The following ADGRE1 variants were observed in gnomAD, a reference collection of about 807,000 sequenced individuals.
ADGRE1 encodes the protein adhesion G protein-coupled receptor E1.
A neutral mutation model predicts 102.7 loss-of-function variants in ADGRE1; 82 were observed. The observed-to-expected ratio is 0.80, with a 90% CI of 0.67 to 0.96. The LOEUF is 0.96. ADGRE1 is among the 40% of genes least tolerant of loss of function. The pLI is 0.00. For synonymous variants in ADGRE1, 398 were observed against 399.6 expected (o/e 1.00, Z 0.05); for missense variants, 1,032 against 1,085.3 (o/e 0.95, Z 0.69).
intron 20 of ADGRE1, among the ~76,000 whole-genome samples, chr19:6,938,091 CT>C (rs1975504069): frequency 6.6e-6 from 1 of 151,938 alleles, no homozygotes; most frequent in South Asian, 2.1e-4. Context: ...AATCCCAACA[CT>C]TTGGGAGGCT....
chr19:6,898,420 A>G, intron 5 of ADGRE1: 1 of 1,601,334 alleles, frequency 6.2e-7, no homozygotes, highest in Non-Finnish European at 8.6e-7. Context: ...TCCCACTGGA[A>G]ATGACTGGAT....
intron 15 of ADGRE1, among the ~76,000 whole-genome samples, chr19:6,925,798 C>T (rs140153382): frequency 3.9e-5 from 6 of 152,026 alleles, no homozygotes; most frequent in Non-Finnish European, 7.4e-5. Context: ...CAGGCTCAAG[C>T]GATCCTCCCA....
intron 15 of ADGRE1, among the ~76,000 whole-genome samples, chr19:6,926,081 T>C (rs1056320430): frequency 6.6e-6 from 1 of 152,120 alleles, no homozygotes; most frequent in Non-Finnish European, 1.5e-5. Context: ...TTCCCTAAAG[T>C]AGGGTGATCG....
At chr19:6,917,467 G>A (rs921631221) in intron 12 of ADGRE1, among the ~76,000 whole-genome samples, 1 of 152,076 alleles carries the variant, frequency 6.6e-6, no homozygotes, top group Non-Finnish European at 1.5e-5. Flanking sequence ...CGCTGGGCGT[G>A]GTGGCTCACA....
intron 2 of ADGRE1, among the ~76,000 whole-genome samples, chr19:6,891,706 T>C (rs1285102887): frequency 1.3e-5 from 2 of 152,060 alleles, no homozygotes; most frequent in Non-Finnish European, 2.9e-5. Context: ...ACCCCAGCCT[T>C]CCGAAGTGCT....
At chr19:6,919,432 C>G (rs1974538046) in intron 12 of ADGRE1, 116 bp from the exon 13 acceptor site, 1 of 542,496 alleles carries the variant, frequency 1.8e-6, no homozygotes, top group Non-Finnish European at 3.1e-6. Flanking sequence ...CTCTCTCCCC[C>G]TCCCTCCCTC....
At chr19:6,924,619 C>G in intron 14 of ADGRE1, 59 bp from the exon 15 acceptor site, 1 of 1,519,890 alleles carries the variant, frequency 6.6e-7, no homozygotes, top group East Asian at 2.3e-5. Context: ...AACTCTTCTT[C>G]CCGCCTGGGG....
intron 12 of ADGRE1, among the ~76,000 whole-genome samples, chr19:6,917,463 G>A (rs1194517598): frequency 2.0e-5 from 3 of 152,102 alleles, no homozygotes; most frequent in African/African-American, 7.2e-5. Context: ...GGGTCGCTGG[G>A]CGTGGTGGCT....
chr19:6,921,586 T>C (rs1485144839), intron 13 of ADGRE1, 127 bp from the exon 14 acceptor site: 1 of 1,100,332 alleles, frequency 9.1e-7, no homozygotes, highest in Non-Finnish European at 1.2e-6. Context: ...CCAGCATTTT[T>C]CCCCATTCCC....
chr19:6,898,788 T>C (rs1002092915), intron 5 of ADGRE1: 3 of 488,546 alleles, frequency 6.1e-6, no homozygotes, highest in Non-Finnish European at 1.1e-5. Flanking sequence ...GATGAGAAAA[T>C]TGGGGCTCAG....
Position 6,924,798 on chromosome 19 carries a change from C to T in ADGRE1, c.1912C>T (p.His638Tyr), listed in dbSNP as rs779598111. ...RSIRNHNTYL[H>Y]LHLCVCLLLA... ...CATCCGAAATCACAACACCTACCTC[C>T]ACCTGCACCTCTGCGTGTGTCTCCT... The change falls in exon 15 of 21, where the codon CAC becomes TAC. Residue 638 changes from histidine (H) to tyrosine (Y), a missense_variant. Transcript: ENST00000312053. The T allele has an allele frequency of 3.1e-6, 5 of 1,614,180 alleles. No homozygotes were observed. The South Asian group carries it at 5.5e-5, about 18-fold the overall frequency.
At chr19:6,934,963 C>T (rs865783074) in intron 17 of ADGRE1, 24 bp from the exon 18 acceptor site, 2 of 1,535,730 alleles carry the variant, frequency 1.3e-6, no homozygotes, top group Non-Finnish European at 1.8e-6. Context: ...TCCAGTCTCT[C>T]CATCCTTCTG....
intron 2 of ADGRE1, 104 bp from the exon 3 acceptor site, chr19:6,896,294 A>G: frequency 8.5e-7 from 1 of 1,169,906 alleles, no homozygotes; most frequent in Non-Finnish European, 1.2e-6. Context: ...GGAGGAACAC[A>G]ATCCAACCCA....
intron 17 of ADGRE1, among the ~76,000 whole-genome samples, chr19:6,929,336 G>A (rs1292095147): frequency 6.6e-6 from 1 of 152,156 alleles, no homozygotes; most frequent in Non-Finnish European, 1.5e-5. Flanking sequence ...TGAGGGGGCG[G>A]TGTCTGATTT....
In ADGRE1 at chr19:6,913,792, C is replaced by T. The variant is rs201523206; in HGVS notation, c.1262C>T (p.Ser421Leu). Residue 421 changes from serine (S) to leucine (L), a missense_variant, in exon 11 of 21, where the codon TCA becomes TTA. Physicochemically the swap from Ser to Leu is moderately radical, Grantham distance 145. Transcript: ENST00000312053. ...SMTLASFWKPSANITPAVRTE... is the reference protein window; with the variant it reads ...SMTLASFWKPLANITPAVRTE... ...ACACTGGCATCTTTTTGGAAACCCT[C>T]AGCAAATATCACTCCGGCTGTTCGG... 1.7e-5 allele frequency: 28 copies of T among 1,611,414 alleles called. No individual in the cohort carries two copies. The highest frequency in any genetic ancestry group is 1.0e-4 in the Admixed American group (6 of 59,794).
At position 6,921,741 on chromosome 19, in the gene ADGRE1, GTGTTTCC is replaced by G; in HGVS notation, c.1652_1658del (p.Val551GlyfsTer5). On this transcript the variant is annotated frameshift_variant, in exon 14 of 21. Transcript: ENST00000312053. LOFTEE classifies it high-confidence loss of function. ...AAGCAGAAGTTTGAGAGGCCCATCT[GTGTTTCC>G]TGGAGCACTGATGTGAAGGGTGGAA... The G allele has an allele frequency of 6.2e-7, 1 of 1,611,520 alleles. No individual in the cohort carries two copies. Among genetic ancestry groups the G allele is most frequent in the Non-Finnish European group, 8.5e-7 (1 of 1,179,088 alleles).
chr19:6,887,647 T>A lies in ADGRE1; in HGVS notation c.31+8T>A. On this transcript the variant is annotated splice_region_variant and intron_variant, in intron 1 of 20. Transcript: ENST00000312053. ...ACCTGCTCCTCTTCTGGGGTGAGTG[T>A]GAGGCTGAATGGGGGGCTAGGGGAG... is the stretch of plus-strand genomic sequence containing the variant. 2 of 1,609,122 alleles carry A rather than the reference T, an allele frequency of 1.2e-6. No individual in the cohort carries two copies. The highest frequency in any genetic ancestry group is 1.7e-6 in the Non-Finnish European group (2 of 1,178,116).
At position 6,896,376 on chromosome 19, in the gene ADGRE1, C is replaced by A. The variant is rs181852094; in HGVS notation, c.95-22C>A. On this transcript the variant is annotated intron_variant, in intron 2 of 20. Coordinates refer to ENST00000312053, the MANE Select transcript of ADGRE1 (RefSeq NM_001974.5). ...CTCTAATGCTCTAATCTTGTCTAAA[C>A]TTTTCTTTATACACTGCCTAGGTAA... 531 of 1,611,526 alleles carry A rather than the reference C, an allele frequency of 3.3e-4. 3 individuals are homozygous for A. The highest frequency in any genetic ancestry group is 9.4e-5 in the Non-Finnish European group (111 of 1,178,134).
At chr19:6,898,221 G>A in intron 5 of ADGRE1, 2 of 1,183,658 alleles carry the variant, frequency 1.7e-6, no homozygotes, top group South Asian at 1.5e-5. Context: ...ATATGGGATG[G>A]GAGATATTGT....
Sources: allele counts gnomAD v4.1 joint callset (sites outside exome capture counted in the v4.1 genomes callset), GRCh38; gene constraint gnomAD v4.1.1; transcripts MANE v1.5; gene names NCBI Gene and HGNC (gene_info 2026-07-23, HGNC 2026-07-21).